FAM135A: variants seen among roughly 807,000 people sequenced by gnomAD.
FAM135A encodes the protein protein FAM135A.
In FAM135A, 79 loss-of-function variants were observed where a neutral mutation model predicts 146.8. The ratio of observed to expected loss-of-function variants is 0.54; its 90% CI spans 0.45 to 0.65. The LOEUF (loss-of-function observed/expected upper bound fraction) is 0.65. FAM135A is among the 30% of genes least tolerant of loss of function. The pLI is 0.00. For synonymous variants in FAM135A, 562 were observed against 603.6 expected, an observed-to-expected ratio of 0.93 and a Z score of 1.01; for missense variants, 1,623 against 1,758.2, an observed-to-expected ratio of 0.92 and a Z score of 1.38.
At chr6:70,506,113 GA>G (rs1561933522) in intron 12 of FAM135A, among the ~76,000 whole-genome samples, 1 of 152,138 alleles carries the variant, frequency 6.6e-6, no homozygotes, top group Non-Finnish European at 1.5e-5. Context: ...GAACAACAAT[GA>G]ATTGTGGTAA....
intron 12 of FAM135A, among the ~76,000 whole-genome samples, chr6:70,516,533 T>TC (rs992126543): frequency 3.4e-5 from 4 of 119,192 alleles, no homozygotes; most frequent in African/African-American, 1.7e-4. Context: ...TTCTTTTCTT[T>TC]TTTTTTTTTT....
intron 4 of FAM135A, among the ~76,000 whole-genome samples, chr6:70,446,445 C>T (rs1410069097): frequency 6.6e-6 from 1 of 152,186 alleles, no homozygotes; most frequent in African/African-American, 2.4e-5. Context: ...TAAACATCCC[C>T]TTAGGGGATC....
intron 20 of FAM135A, among the ~76,000 whole-genome samples, chr6:70,551,648 C>G (rs1231146749): frequency 6.6e-6 from 1 of 152,022 alleles, no homozygotes; most frequent in Non-Finnish European, 1.5e-5. Flanking sequence ...GTGACTTTTC[C>G]TTTTGCTTGA....
intron 2 of FAM135A, among the ~76,000 whole-genome samples, chr6:70,423,693 G>A (rs1000507949): frequency 1.3e-5 from 2 of 152,192 alleles, no homozygotes; most frequent in African/African-American, 2.4e-5. Flanking sequence ...ATAGTCTCAG[G>A]CTGGGTGACC....
intron 12 of FAM135A, among the ~76,000 whole-genome samples, chr6:70,506,336 A>G (rs1370342859): frequency 2.6e-5 from 4 of 152,090 alleles, no homozygotes; most frequent in African/African-American, 7.2e-5. Context: ...CAGCGACCCA[A>G]TTTTCTATGC....
chr6:70,525,060 TA>T lies in FAM135A; in HGVS notation c.1979del (p.Lys660SerfsTer13). 1 of 1,586,588 alleles carries T rather than the reference TA, an allele frequency of 6.3e-7. No homozygotes were observed. Among genetic ancestry groups the T allele is most frequent in the South Asian group, 1.2e-5 (1 of 84,734 alleles). ...TCTTTGGGAGTTAGAACAATTGAAA[TA>T]AAGCCCAGTAATAAAGATCCTTTCA... ...TPSLGVRTIE[I>X]KPSNKDPFSG... On this transcript the variant is annotated frameshift_variant, in exon 15 of 22. Coordinates refer to ENST00000418814, the MANE Select transcript of FAM135A (RefSeq NM_001162529.3). LOFTEE classifies it high-confidence loss of function.
intron 11 of FAM135A, among the ~76,000 whole-genome samples, chr6:70,495,528 C>A (rs1459243967): frequency 6.6e-6 from 1 of 151,928 alleles, no homozygotes; most frequent in Non-Finnish European, 1.5e-5. Context: ...TGCTGAATTG[C>A]AGTATTTAAA....
intron 5 of FAM135A, 105 bp from the exon 6 acceptor site, chr6:70,475,305 A>C (rs1018572554): frequency 1.3e-5 from 12 of 907,274 alleles, no homozygotes. Context: ...TGATAATGAC[A>C]CTATAGTAAT....
At chr6:70,519,397 T>C (rs1446348534) in intron 12 of FAM135A, among the ~76,000 whole-genome samples, 2 of 152,218 alleles carry the variant, frequency 1.3e-5, no homozygotes, top group Non-Finnish European at 2.9e-5. Flanking sequence ...AGATTTGGAA[T>C]ATTACATAAA....
At chr6:70,436,224 G>A (rs1477658633) in intron 4 of FAM135A, among the ~76,000 whole-genome samples, 1 of 151,344 alleles carries the variant, frequency 6.6e-6, no homozygotes, top group Non-Finnish European at 1.5e-5. Context: ...GAGGACTTCT[G>A]ATTAAGCATT....
In FAM135A at chr6:70,519,064, T is replaced by C. The variant is rs181077582; in HGVS notation, c.1030-3449T>C. Among the ~76,000 whole-genome samples the C allele has an allele frequency of 2.9e-3, 447 of 152,332 alleles. 23 individuals are homozygous for C. The highest frequency in any genetic ancestry group is 0.026 in the Admixed American group (393 of 15,292). ...AACTTTTGGGAAAAAATCACCGTTG[T>C]AGATGCCATTAAGAACATTCATGAT... On this transcript the variant is annotated intron_variant, in intron 12 of 21. Transcript: ENST00000418814.
intron 12 of FAM135A, among the ~76,000 whole-genome samples, chr6:70,514,729 A>G (rs1010109671): frequency 1.3e-5 from 2 of 152,194 alleles, no homozygotes; most frequent in Non-Finnish European, 2.9e-5. Flanking sequence ...GAGACTCAGT[A>G]TGGACAGATG....
intron 7 of FAM135A, among the ~76,000 whole-genome samples, chr6:70,476,746 A>C (rs930648056): frequency 1.3e-5 from 2 of 152,142 alleles, no homozygotes; most frequent in African/African-American, 4.8e-5. Flanking sequence ...AGTAGCACTT[A>C]ATAAAATTTT....
chr6:70,461,736 A>G lies in FAM135A; in HGVS notation c.157+9165A>G, dbSNP rs138659851. 5.7e-3 allele frequency among the ~76,000 whole-genome samples: 866 copies of G among 152,314 alleles called. 3 individuals carry two copies. Among genetic ancestry groups the G allele is most frequent in the Non-Finnish European group, 8.2e-3 (560 of 68,018 alleles). On this transcript the variant is annotated intron_variant, in intron 5 of 21. Coordinates refer to ENST00000418814, the MANE Select transcript of FAM135A (RefSeq NM_001162529.3). ...TCTAGGTACCTGAGACTGCATTTCT[A>G]TTCTTATAAAGCTAGCTTCCTCTGT...
intron 4 of FAM135A, among the ~76,000 whole-genome samples, chr6:70,431,406 T>G (rs1771577779): frequency 6.6e-6 from 1 of 152,192 alleles, no homozygotes; most frequent in African/African-American, 2.4e-5. Flanking sequence ...CTGGGCAGTC[T>G]CAGTTCTGTT....
At chr6:70,441,259 G>C (rs1161779595) in intron 4 of FAM135A, among the ~76,000 whole-genome samples, 1 of 151,938 alleles carries the variant, frequency 6.6e-6, no homozygotes, top group African/African-American at 2.4e-5. Context: ...CCGGTGGCAC[G>C]CACCTATAAT....
chr6:70,542,439 C>G (rs1798116956), intron 20 of FAM135A, among the ~76,000 whole-genome samples: 1 of 151,894 alleles, frequency 6.6e-6, no homozygotes, highest in African/African-American at 2.4e-5. Flanking sequence ...TTCTGTTTAC[C>G]TTCTAAAATT....
At chr6:70,510,539 A>G (rs1449071476) in intron 12 of FAM135A, among the ~76,000 whole-genome samples, 2 of 152,076 alleles carry the variant, frequency 1.3e-5, no homozygotes, top group African/African-American at 2.4e-5. Flanking sequence ...AACATTTTGT[A>G]TCTGGTTTCT....
At chr6:70,419,970 C>A (rs74818996) in intron 2 of FAM135A, among the ~76,000 whole-genome samples, 19,791 of 152,026 alleles carry the variant, frequency 0.13, 1,529 homozygotes, top group Middle Eastern at 0.2. Flanking sequence ...GATTTTTAAG[C>A]GTTTTTAATT....
Sources: allele counts gnomAD v4.1 joint callset (sites outside exome capture counted in the v4.1 genomes callset), GRCh38; gene constraint gnomAD v4.1.1; transcripts MANE v1.5; gene names NCBI Gene and HGNC (gene_info 2026-07-23, HGNC 2026-07-21).